The following IQCM variants were observed in gnomAD, a reference collection of about 807,000 sequenced individuals.
IQCM encodes IQ motif containing M, also known as IQ domain-containing protein M.
In IQCM, 45 loss-of-function variants were observed where a neutral mutation model predicts 57.6. That is an observed-to-expected ratio of 0.78 (90% CI 0.62 to 1.00). IQCM has a LOEUF of 1.00. Among genes scored for constraint, IQCM ranks in the 50% least tolerant of loss-of-function variants. The pLI is 0.00. For missense variants in IQCM, 468 were observed against 511.6 expected (o/e 0.91, Z 0.82); for synonymous variants, 148 against 158.9 (o/e 0.93, Z 0.51).
In IQCM at chr4:149,733,269, G is replaced by C; in HGVS notation, c.360C>G (p.Cys120Trp). ...CTTTTGTAATTAGATCTATGGGCCTGCATCTTTCTCTTCTACTAAAAATGT... is the reference window on the plus strand; with the variant it reads ...CTTTTGTAATTAGATCTATGGGCCTCCATCTTTCTCTTCTACTAAAAATGT... Reference protein sequence around the residue: ...EPHIFSRRERCRPIDLITKGQ... With the variant: ...EPHIFSRRERWRPIDLITKGQ... Residue 120 changes from cysteine to tryptophan, a missense_variant, in exon 5 of 14, where the codon TGC becomes TGG. Physicochemically the swap from Cys to Trp is radical, Grantham distance 215. Coordinates refer to ENST00000636793, the MANE Select transcript of IQCM (RefSeq NM_001363507.2). 8.1e-7 allele frequency: 1 copy of C among 1,231,746 alleles called. No homozygotes were observed. The highest frequency in any genetic ancestry group is 1.0e-6 in the Non-Finnish European group (1 of 987,676). The allele number at this position is 1,231,746 out of a possible 1,614,324, so 76.3% of individuals were successfully genotyped here.
chr4:149,712,346 TCACACACACA>T (rs35704697), intron 5 of IQCM, among the ~76,000 whole-genome samples: 1 of 147,764 alleles, frequency 6.8e-6, no homozygotes, highest in Non-Finnish European at 1.5e-5. Flanking sequence ...CTGTCAATGT[TCACACACACA>T]CACACACACA....
intron 5 of IQCM, among the ~76,000 whole-genome samples, chr4:149,720,530 A>G (rs1005702052): frequency 6.6e-6 from 1 of 152,236 alleles, no homozygotes; most frequent in African/African-American, 2.4e-5. Context: ...TTACCAGGTC[A>G]GTATAAAAAG....
intron 7 of IQCM, among the ~76,000 whole-genome samples, chr4:149,658,373 T>C (rs915168801): frequency 6.6e-6 from 1 of 152,124 alleles, no homozygotes; most frequent in Non-Finnish European, 1.5e-5. Flanking sequence ...GTTTGGTTTT[T>C]ATGCCAGTAC....
At chr4:149,468,737 C>T (rs1197593193) in intron 12 of IQCM, among the ~76,000 whole-genome samples, 2 of 152,216 alleles carry the variant, frequency 1.3e-5, no homozygotes, top group Non-Finnish European at 2.9e-5. Flanking sequence ...TAGGGGCCAA[C>T]TGACACCTCA....
intron 7 of IQCM, among the ~76,000 whole-genome samples, chr4:149,664,566 C>T (rs1760519745): frequency 2.0e-5 from 3 of 152,050 alleles, no homozygotes; most frequent in Non-Finnish European, 4.4e-5. Flanking sequence ...TATAATCCTC[C>T]TCATTATGTC....
At chr4:149,517,408 T>C (rs1745092424) in intron 12 of IQCM, among the ~76,000 whole-genome samples, 1 of 152,252 alleles carries the variant, frequency 6.6e-6, no homozygotes, top group African/African-American at 2.4e-5. Context: ...GTTAACTTTA[T>C]GTAATAGCAT....
chr4:149,768,048 C>T (rs1213947739), intron 2 of IQCM, among the ~76,000 whole-genome samples: 4 of 152,064 alleles, frequency 2.6e-5, no homozygotes, highest in African/African-American at 7.2e-5. Flanking sequence ...ATCAGTTCCA[C>T]GTCTCACGTA....
At chr4:149,547,627 G>A (rs553917734) in intron 12 of IQCM, among the ~76,000 whole-genome samples, 18 of 152,172 alleles carry the variant, frequency 1.2e-4, no homozygotes, top group South Asian at 4.2e-4. Context: ...AATTAGCTAG[G>A]AGAAGAGTTC....
intron 2 of IQCM, among the ~76,000 whole-genome samples, chr4:149,813,702 C>A (rs1361695626): frequency 1.3e-5 from 2 of 152,104 alleles, no homozygotes; most frequent in Non-Finnish European, 2.9e-5. Context: ...TTGTTTGAAT[C>A]TAAGCATCTT....
chr4:149,572,760 A>T (rs1475440630), intron 9 of IQCM, among the ~76,000 whole-genome samples: 1 of 152,024 alleles, frequency 6.6e-6, no homozygotes, highest in Non-Finnish European at 1.5e-5. Context: ...ACATATAGAA[A>T]AATGTTTCAA....
At chr4:149,502,187 T>C (rs1743322847) in intron 12 of IQCM, among the ~76,000 whole-genome samples, 2 of 151,968 alleles carry the variant, frequency 1.3e-5, no homozygotes, top group Admixed American at 6.6e-5. Context: ...TATGTATGTA[T>C]GTACTTTTCC....
Position 149,586,306 on chromosome 4 carries a change from G to T in IQCM, c.749+1624C>A, listed in dbSNP as rs181486532. On this transcript the variant is annotated intron_variant, in intron 9 of 13. Coordinates refer to ENST00000636793, the MANE Select transcript of IQCM (RefSeq NM_001363507.2). Reference sequence around the variant, plus strand: ...TTCTTTAGTAGACACAGGTCATTCAGATTTTCTATTTCTTCTTGTGTCAGT... The same window carrying T: ...TTCTTTAGTAGACACAGGTCATTCATATTTTCTATTTCTTCTTGTGTCAGT... Among the ~76,000 whole-genome samples, 11 of 151,698 alleles carry T rather than the reference G, an allele frequency of 7.3e-5. No individual in the cohort carries two copies. In the East Asian group the frequency reaches 2.1e-3, roughly 30 times the overall value.
intron 2 of IQCM, among the ~76,000 whole-genome samples, chr4:149,812,515 C>T (rs1158946103): frequency 6.6e-6 from 1 of 150,376 alleles, no homozygotes; most frequent in East Asian, 1.9e-4. Context: ...CACACACACA[C>T]ACACACACAC....
chr4:149,451,103 A>T (rs1256805510), intron 12 of IQCM, among the ~76,000 whole-genome samples: 6 of 151,850 alleles, frequency 4.0e-5, no homozygotes, highest in Non-Finnish European at 4.4e-5. Flanking sequence ...CAAAGATCAC[A>T]TGTTCTTACT....
At chr4:149,354,369 A>AC (rs371441625) in intron 13 of IQCM, among the ~76,000 whole-genome samples, 25,010 of 127,386 alleles carry the variant, frequency 0.2, 4,082 homozygotes, top group Non-Finnish European at 0.27. Context: ...GTCTCAAAAA[A>AC]AAAAAAAAAA....
intron 13 of IQCM, among the ~76,000 whole-genome samples, chr4:149,392,814 T>G (rs17624560): frequency 0.15 from 23,232 of 151,874 alleles, 2,142 homozygotes; most frequent in South Asian, 0.33. Flanking sequence ...AACTTCAAAT[T>G]TTAAATATAT....
intron 8 of IQCM, among the ~76,000 whole-genome samples, chr4:149,612,001 C>CA (rs1390498464): frequency 6.6e-6 from 1 of 151,846 alleles, no homozygotes; most frequent in Non-Finnish European, 1.5e-5. Context: ...TTAATTGACT[C>CA]ACAGTTCTAC....
intron 7 of IQCM, among the ~76,000 whole-genome samples, chr4:149,637,696 C>G (rs1297246439): frequency 6.6e-6 from 1 of 152,086 alleles, no homozygotes; most frequent in Admixed American, 6.5e-5. Flanking sequence ...ACCAATGGAA[C>G]AGAACAGAGA....
At chr4:149,620,305 A>G (rs1029609601) in intron 8 of IQCM, among the ~76,000 whole-genome samples, 3 of 152,212 alleles carry the variant, frequency 2.0e-5, no homozygotes, top group African/African-American at 7.2e-5. Flanking sequence ...CAGAACAGTA[A>G]GAAAATAAAT....
Sources: gnomAD v4.1 joint callset for allele counts (sites outside exome capture counted in the v4.1 genomes callset) on GRCh38, gnomAD v4.1.1 for gene constraint, MANE v1.5 for transcripts, NCBI Gene and HGNC (gene_info 2026-07-23, HGNC 2026-07-21) for gene names.